Variants in XIRP2 observed in about 807,000 individuals in gnomAD.
XIRP2 encodes the protein xin actin-binding repeat-containing protein 2.
Under a neutral mutation model 277.0 loss-of-function variants are expected in XIRP2, and 236 were observed. The observed-to-expected ratio is 0.85, with a 90% CI of 0.77 to 0.95. The LOEUF (loss-of-function observed/expected upper bound fraction) is 0.95. Ranked by LOEUF, XIRP2 falls within the 40% of genes least tolerant of loss-of-function variation. The probability of loss-of-function intolerance (pLI) is 0.00; values close to 1 mark genes in which losing one functional copy is unlikely to be tolerated. For missense variants in XIRP2, 4,640 were observed against 4,157.5 expected, an observed-to-expected ratio of 1.12 and a Z score of -3.19; for synonymous variants, 1,490 against 1,416.5, an observed-to-expected ratio of 1.05 and a Z score of -1.17.
chr2:167,059,101 C>CTTTTTTT (rs572437575), intron 2 of XIRP2, among the ~76,000 whole-genome samples: 7 of 95,974 alleles, frequency 7.3e-5, no homozygotes, highest in East Asian at 3.2e-4. Context: ...TTTTTTTTCT[C>CTTTTTTT]TTTTTTTTTT....
intron 2 of XIRP2, among the ~76,000 whole-genome samples, chr2:166,947,088 A>G (rs1170955598): frequency 2.0e-5 from 3 of 152,208 alleles, no homozygotes; most frequent in African/African-American, 7.2e-5. Context: ...AATAGAATCT[A>G]TCAATAAACA....
At chr2:167,086,235 G>T (rs1050398981) in intron 2 of XIRP2, among the ~76,000 whole-genome samples, 1 of 152,210 alleles carries the variant, frequency 6.6e-6, no homozygotes, top group African/African-American at 2.4e-5. Flanking sequence ...ATTCTGGGTT[G>T]AAAATTCTTT....
chr2:166,977,641 C>CA lies in XIRP2; in HGVS notation c.408+73756dup, dbSNP rs1686750061. Among the ~76,000 whole-genome samples, 5 of 152,048 alleles carry CA rather than the reference C, an allele frequency of 3.3e-5. No homozygotes were observed. In the South Asian group the frequency reaches 1.0e-3, roughly 32 times the overall value. ...AGATTTAAACTTCTACTGCAAACAA[C>CA]AAAAACTGGGAAAAGGTATAAAAAA... is the stretch of plus-strand genomic sequence containing the variant. On this transcript the variant is annotated intron_variant, in intron 2 of 10. Transcript: ENST00000409195.
chr2:167,220,140 G>T (rs1694379507), intron 5 of XIRP2, among the ~76,000 whole-genome samples: 1 of 152,070 alleles, frequency 6.6e-6, no homozygotes, highest in Non-Finnish European at 1.5e-5. Context: ...CAGGAAAATT[G>T]GCAAATGCAA....
rs776302639 is a variant in XIRP2 at position 167,250,813 on chromosome 2, C to A, written c.9421C>A (p.Leu3141Ile). ...AACAGAAAACCCTACTAAGAACGAGCTTTCTCAGTCCCCTAAAAAGGACAG... is the reference window on the plus strand; with the variant it reads ...AACAGAAAACCCTACTAAGAACGAGATTTCTCAGTCCCCTAAAAAGGACAG... Reference protein sequence around the residue: ...RRTENPTKNELSQSPKKDSYV... With the variant: ...RRTENPTKNEISQSPKKDSYV... Residue 3141 changes from leucine (L) to isoleucine (I), a missense_variant, in exon 9 of 11, where the codon CTT becomes ATT. Leu to Ile is a conservative substitution (Grantham distance 5, BLOSUM62 2). Transcript: ENST00000409195. The A allele has an allele frequency of 3.7e-6, 6 of 1,613,350 alleles. No homozygotes were observed. The highest frequency in any genetic ancestry group is 5.1e-6 in the Non-Finnish European group (6 of 1,179,726).
At chr2:166,912,731 G>T (rs1026758885) in intron 2 of XIRP2, among the ~76,000 whole-genome samples, 1 of 152,130 alleles carries the variant, frequency 6.6e-6, no homozygotes, top group Non-Finnish European at 1.5e-5. Flanking sequence ...CCCCATCTTT[G>T]TGGTTTTATC....
chr2:167,247,920 C>A lies in XIRP2; in HGVS notation c.6528C>A (p.Tyr2176Ter). 4 of 1,612,928 alleles carry A rather than the reference C, an allele frequency of 2.5e-6. No individual in the cohort carries two copies. The highest frequency in any genetic ancestry group is 3.4e-6 in the Non-Finnish European group (4 of 1,179,642). The stretch of plus-strand genomic sequence containing the variant: ...TCAGCATGCCAGTTGGAGGAACTTA[C>A]GACCTTTCAGGGGACTTTCAGAAGC... ...HPVSMPVGGTYDLSGDFQKQT... is the reference protein window; with the variant it reads ...HPVSMPVGGT Residue 2176 changes from tyrosine (Y) to a stop codon, truncating the protein, a stop_gained, in exon 9 of 11, where the codon TAC becomes TAA. Transcript: ENST00000409195. LOFTEE classifies it high-confidence loss of function.
At chr2:167,042,470 G>A (rs1277388436) in intron 2 of XIRP2, among the ~76,000 whole-genome samples, 1 of 152,076 alleles carries the variant, frequency 6.6e-6, no homozygotes, top group Admixed American at 6.6e-5. Flanking sequence ...ACACCTGTAG[G>A]CTCAAAGTAA....
intron 3 of XIRP2, among the ~76,000 whole-genome samples, chr2:167,174,908 T>A (rs986782153): frequency 2.0e-5 from 3 of 152,212 alleles, no homozygotes; most frequent in African/African-American, 7.2e-5. Context: ...GTGAGTTTTT[T>A]AATCTTGAGT....
rs776598286 is a variant in XIRP2 at position 167,259,147 on chromosome 2, T to C, written c.*1330T>C. 11 of 1,612,710 alleles carry C rather than the reference T, an allele frequency of 6.8e-6. No individual in the cohort carries two copies. Among genetic ancestry groups the C allele is most frequent in the Non-Finnish European group, 9.3e-6 (11 of 1,179,362 alleles). On this transcript the variant is annotated 3_prime_UTR_variant, in exon 11 of 11. Coordinates refer to ENST00000409195, the MANE Select transcript of XIRP2 (RefSeq NM_152381.6). ...TAGATTCTGTAGATCAAATTAAAAA[T>C]ATGCCATGCTTGGATTTAAGGGAAT...
At chr2:167,101,200 A>G (rs1690476821) in intron 2 of XIRP2, among the ~76,000 whole-genome samples, 1 of 152,226 alleles carries the variant, frequency 6.6e-6, no homozygotes, top group African/African-American at 2.4e-5. Context: ...CTCATTCATT[A>G]TATGTGATGA....
chr2:167,077,544 A>C (rs931169704), intron 2 of XIRP2, among the ~76,000 whole-genome samples: 1 of 152,222 alleles, frequency 6.6e-6, no homozygotes, highest in African/African-American at 2.4e-5. Context: ...ATGGAAGGGC[A>C]TAGGAACTGC....
At chr2:166,911,500 T>C (rs951613551) in intron 2 of XIRP2, among the ~76,000 whole-genome samples, 2 of 152,194 alleles carry the variant, frequency 1.3e-5, no homozygotes, top group South Asian at 4.1e-4. Context: ...AGCCTATGTG[T>C]GTCTCTGCCC....
intron 3 of XIRP2, chr2:167,184,555 G>A (rs1427866364): frequency 9.8e-6 from 7 of 717,024 alleles, no homozygotes; most frequent in African/African-American, 5.2e-5. Flanking sequence ...TGTTCTCCAC[G>A]GACCAAGCCC....
Position 167,244,706 on chromosome 2 carries a change from C to G in XIRP2, c.3314C>G (p.Ser1105Cys), listed in dbSNP as rs1301498543. 6.2e-7 allele frequency: 1 copy of G among 1,613,220 alleles called. No individual in the cohort carries two copies. Among genetic ancestry groups the G allele is most frequent in the Admixed American group, 1.7e-5 (1 of 59,902 alleles). Residue 1105 changes from serine (S) to cysteine (C), a missense_variant, in exon 9 of 11, where the codon TCT (serine) becomes TGT (cysteine). Physicochemically the swap from Ser to Cys is moderately radical, Grantham distance 112. Transcript: ENST00000409195. ...CTTTTTGAGACCCAGCCAATGGAGT[C>G]TCTTTATGAAAAAGTTTCGTTAATG... Reference protein sequence around the residue: ...KWLFETQPMESLYEKVSLMTS... With the variant: ...KWLFETQPMECLYEKVSLMTS...
At chr2:167,097,545 C>T (rs1558979254) in intron 2 of XIRP2, among the ~76,000 whole-genome samples, 1 of 152,102 alleles carries the variant, frequency 6.6e-6, no homozygotes. Context: ...GGCATTTAAC[C>T]CATTTACACT....
chr2:167,247,088 T>C lies in XIRP2; in HGVS notation c.5696T>C (p.Ile1899Thr). Reference sequence around the variant, plus strand: ...ATCCCTGGTGATATTGAAAAAGCTATTGAATGCCTTGAAAAAGCTACAAAT... The same window carrying C: ...ATCCCTGGTGATATTGAAAAAGCTACTGAATGCCTTGAAAAAGCTACAAAT... ...DAIPGDIEKA[I>T]ECLEKATNTK... Residue 1899 changes from isoleucine to threonine, a missense_variant, in exon 9 of 11, where the codon ATT becomes ACT. Ile to Thr is a moderately conservative substitution (Grantham distance 89, BLOSUM62 -1). Coordinates refer to ENST00000409195, the MANE Select transcript of XIRP2 (RefSeq NM_152381.6). 1 of 1,612,662 alleles carries C rather than the reference T, an allele frequency of 6.2e-7. No individual in the cohort carries two copies. The highest frequency in any genetic ancestry group is 8.5e-7 in the Non-Finnish European group (1 of 1,179,562).
chr2:167,167,352 G>C (rs1692554342), intron 3 of XIRP2, among the ~76,000 whole-genome samples: 2 of 152,096 alleles, frequency 1.3e-5, no homozygotes, highest in Non-Finnish European at 2.9e-5. Context: ...AATATAGTTA[G>C]ATTAATATTT....
intron 2 of XIRP2, among the ~76,000 whole-genome samples, chr2:166,949,824 T>C (rs545111707): frequency 2.0e-5 from 3 of 152,218 alleles, no homozygotes; most frequent in South Asian, 2.1e-4. Context: ...GTGTCATACA[T>C]TGTGTTTATA....
Sources: allele counts gnomAD v4.1 joint callset (sites outside exome capture counted in the v4.1 genomes callset), GRCh38; gene constraint gnomAD v4.1.1; transcripts MANE v1.5; gene names NCBI Gene and HGNC (gene_info 2026-07-23, HGNC 2026-07-21).